Variants in PRSS22 observed in about 807,000 individuals in gnomAD.
PRSS22 encodes brain-specific serine protease 4.
In PRSS22, 26 loss-of-function variants were observed where a neutral mutation model predicts 28.0. The observed-to-expected ratio is 0.93, with a 90% confidence interval of 0.68 to 1.29. The LOEUF (loss-of-function observed/expected upper bound fraction) is 1.29. Among genes scored for constraint, PRSS22 ranks in the 50% most tolerant of loss-of-function variants. The pLI is 0.00. For missense variants in PRSS22, 444 were observed against 422.1 expected, an observed-to-expected ratio of 1.05 and a Z score of -0.46; for synonymous variants, 217 against 177.9, an observed-to-expected ratio of 1.22 and a Z score of -1.75.
chr16:2,854,992 T>C (rs778070138), intron 4 of PRSS22, among the ~76,000 whole-genome samples: 16 of 152,062 alleles, frequency 1.1e-4, no homozygotes, highest in African/African-American at 3.1e-4. Context: ...CATTCCTGTA[T>C]TGATGAATTG....
chr16:2,855,930 G>T (rs1313349935), intron 3 of PRSS22, 79 bp from the exon 4 acceptor site: 3 of 1,527,512 alleles, frequency 2.0e-6, no homozygotes, highest in African/African-American at 1.4e-5. Flanking sequence ...GGGTGTGAAG[G>T]CCCCTGAAGG....
In PRSS22 at chr16:2,852,836, G is replaced by GT. The variant is rs1401703116; in HGVS notation, c.*256_*257insA. The GT allele has an allele frequency of 1.1e-5, 4 of 362,316 alleles. No individual in the cohort carries two copies. Among genetic ancestry groups the GT allele is most frequent in the Admixed American group, 1.8e-4 (2 of 11,406 alleles). The allele number at this position is 362,316 out of a possible 1,614,324, so 22.4% of individuals were successfully genotyped here. On this transcript the variant is annotated 3_prime_UTR_variant, in exon 6 of 6. Coordinates refer to ENST00000161006, the MANE Select transcript of PRSS22 (RefSeq NM_022119.4). ...CATTTATATACACAAAAGCGCTGGG[G>GT]CCCGGGGCGGGGCCGGAAGTCGTGG...
Position 2,853,881 on chromosome 16 carries a change from TC to T in PRSS22, c.700del (p.Glu234SerfsTer180). 1 of 1,613,674 alleles carries T rather than the reference TC, an allele frequency of 6.2e-7. No homozygotes were observed. Reference protein sequence around the residue: ...DMLCAGYLEGERDACLGDSGG... With the variant: ...DMLCAGYLEGXRDACLGDSGG... ...GGAGCTCACCAGACAAGCATCCCGC[TC>T]CCCCTCCAAGTAGCCGGCACACAGC... is the stretch of plus-strand genomic sequence containing the variant. On this transcript the variant is annotated frameshift_variant, in exon 5 of 6. Coordinates refer to ENST00000161006, the MANE Select transcript of PRSS22 (RefSeq NM_022119.4). LOFTEE classifies it low-confidence loss of function (END_TRUNC). This position sits in a 1 kb window ranked among gnomAD's most constrained non-coding sequence, Gnocchi z 4.6.
chr16:2,856,244 G>A lies in PRSS22; in HGVS notation c.119C>T (p.Ala40Val). The change falls in exon 3 of 6, where the codon GCC (alanine) becomes GTC (valine). Residue 40 changes from alanine (A) to valine (V), a missense_variant. Ala to Val is a moderately conservative substitution (Grantham distance 64). Transcript: ENST00000161006. The stretch of plus-strand genomic sequence containing the variant: ...GTTCAGCTGCTGGGGCTTCCCACAG[G>A]CTGGGGGAACTGGAGGGTACGGTCA... ...LNAARIPVPP[A>V]CGKPQQLNRV... 1 of 1,613,394 alleles carries A rather than the reference G, an allele frequency of 6.2e-7. No individual in the cohort carries two copies. Among genetic ancestry groups the A allele is most frequent in the South Asian group, 1.1e-5 (1 of 91,052 alleles).
At chr16:2,854,453 C>G (rs1231292821) in intron 4 of PRSS22, 1 of 173,992 alleles carries the variant, frequency 5.7e-6, no homozygotes, top group Non-Finnish European at 1.2e-5. Context: ...GACTGAAAGT[C>G]CGCGATTCTA....
chr16:2,856,288 T>C, intron 2 of PRSS22, 35 bp from the exon 3 acceptor site: 1 of 1,608,504 alleles, frequency 6.2e-7, no homozygotes, highest in Non-Finnish European at 8.5e-7. Context: ...TATCTCCAAC[T>C]TCCTACAACC....
chr16:2,857,992 G>T (rs968030303), intron 1 of PRSS22, 31 bp downstream of exon 1: 3 of 1,261,478 alleles, frequency 2.4e-6, no homozygotes, highest in Non-Finnish European at 3.0e-6. Context: ...GGAGGTGAGA[G>T]GGAGGAGGGA....
Position 2,853,972 on chromosome 16 carries a change from C to G in PRSS22, c.610G>C (p.Asp204His). The change falls in exon 5 of 6, where the codon GAC becomes CAC. Residue 204 changes from aspartate to histidine, a missense_variant. Physicochemically the swap from Asp to His is moderately conservative, Grantham distance 81. Coordinates refer to ENST00000161006, the MANE Select transcript of PRSS22 (RefSeq NM_022119.4). The surrounding 1 kb of genome is among the most constrained non-coding windows in gnomAD (Gnocchi z 4.6). ...TLQKLKVPII[D>H]SEVCSHLYWR... Reference sequence around the variant, plus strand: ...TACAGATGGCTGCAGACTTCCGAGTCGATGATAGGAACCTTCAGCTTCTGC... The same window carrying G: ...TACAGATGGCTGCAGACTTCCGAGTGGATGATAGGAACCTTCAGCTTCTGC... The G allele has an allele frequency of 1.9e-6, 3 of 1,614,166 alleles. 1 individual carries two copies. The South Asian group carries it at 3.3e-5, about 18-fold the overall frequency.
In PRSS22 at chr16:2,856,265, G is replaced by C; in HGVS notation, c.110-12C>G. On this transcript the variant is annotated splice_polypyrimidine_tract_variant and intron_variant, in intron 2 of 5. Transcript: ENST00000161006. The stretch of plus-strand genomic sequence containing the variant: ...ACAGGCTGGGGGAACTGGAGGGTAC[G>C]GTCAAGTTTTGTTATCTCCAACTTC... 2 of 1,612,642 alleles carry C rather than the reference G, an allele frequency of 1.2e-6. No homozygotes were observed. Among genetic ancestry groups the C allele is most frequent in the Non-Finnish European group, 1.7e-6 (2 of 1,179,656 alleles).
Position 2,853,225 on chromosome 16 carries a change from G to T in PRSS22, c.822C>A (p.Val274=). The change falls in exon 6 of 6, where the codon GTC becomes GTA. Residue 274 remains valine, a synonymous_variant. Transcript: ENST00000161006. The surrounding 1 kb of genome is among the most constrained non-coding windows in gnomAD (Gnocchi z 4.6). ...EGCAERNRPG[V]YISLSAHRSW... ...AGCGGTGCGCAGAGAGGCTGATGTAGACCCCGGGCCTGTTGCGCTCGGCAC... is the reference window on the plus strand; with the variant it reads ...AGCGGTGCGCAGAGAGGCTGATGTATACCCCGGGCCTGTTGCGCTCGGCAC... 1.2e-6 allele frequency: 2 copies of T among 1,600,846 alleles called. No homozygotes were observed. Among genetic ancestry groups the T allele is most frequent in the South Asian group, 2.2e-5 (2 of 91,074 alleles).
chr16:2,857,951 A>AGAGG, intron 1 of PRSS22, 72 bp downstream of exon 1: 1 of 1,124,932 alleles, frequency 8.9e-7, no homozygotes, highest in Non-Finnish European at 1.1e-6. Flanking sequence ...CAGGAGGGAG[A>AGAGG]GAGGGAGGGA....
chr16:2,856,092 A>C lies in PRSS22; in HGVS notation c.271T>G (p.Cys91Gly), dbSNP rs780881542. ...GCCGGCTGTACATACTCCTTGAAAC[A>C]GTGGGCAGCAGTGATCACCCAGCGG... ...TSRWVITAAH[C>G]FKDNLNKPYL... Residue 91 changes from cysteine to glycine, a missense_variant, in exon 3 of 6, where the codon TGT becomes GGT. Physicochemically the swap from Cys to Gly is radical, Grantham distance 159. Coordinates refer to ENST00000161006, the MANE Select transcript of PRSS22 (RefSeq NM_022119.4). The C allele has an allele frequency of 6.2e-7, 1 of 1,613,866 alleles. No homozygotes were observed. Among genetic ancestry groups the C allele is most frequent in the Non-Finnish European group, 8.5e-7 (1 of 1,179,916 alleles).
At chr16:2,855,365 A>AAAGAAG (rs59780762) in intron 4 of PRSS22, among the ~76,000 whole-genome samples, 1 of 134,628 alleles carries the variant, frequency 7.4e-6, no homozygotes, top group South Asian at 2.4e-4. Context: ...AAAAAAAAAA[A>AAAGAAG]AAGAAGAAGA....
chr16:2,855,968 G>A (rs2150828598), intron 3 of PRSS22, 114 bp downstream of exon 3: 2 of 1,511,386 alleles, frequency 1.3e-6, no homozygotes, highest in Non-Finnish European at 1.8e-6. Flanking sequence ...TAGAATCGAG[G>A]GGCACCAAGA....
intron 1 of PRSS22, chr16:2,857,260 GTCCCCA>G (rs2069469128): frequency 6.6e-6 from 1 of 151,422 alleles, no homozygotes; most frequent in African/African-American, 3.9e-5. Context: ...GTGAGGAGGG[GTCCCCA>G]GCGCCCAGTG....
chr16:2,853,393 T>G lies in PRSS22; in HGVS notation c.718-64A>C. On this transcript the variant is annotated intron_variant, in intron 5 of 5. Coordinates refer to ENST00000161006, the MANE Select transcript of PRSS22 (RefSeq NM_022119.4). The surrounding 1 kb of genome is among the most constrained non-coding windows in gnomAD (Gnocchi z 4.6). ...AGGGGGTGGCAGAATCCAGGGCCCG[T>G]GCCCTGTCAGGGGGCAGATGAGCCC... The G allele has an allele frequency of 2.2e-6, 3 of 1,367,330 alleles. No individual in the cohort carries two copies. The highest frequency in any genetic ancestry group is 3.0e-6 in the Non-Finnish European group (3 of 994,700). 84.7% of individuals were successfully genotyped at this position (1,367,330 alleles called of 1,614,324 possible). A position where few individuals can be genotyped will look rare whatever the true frequency, so the allele number is the denominator to read the frequency against.
intron 2 of PRSS22, among the ~76,000 whole-genome samples, 162 bp from the exon 3 acceptor site, chr16:2,856,415 C>A (rs368660222): frequency 1.3e-5 from 2 of 152,088 alleles, no homozygotes; most frequent in African/African-American, 4.8e-5. Context: ...CCAAGCTCCA[C>A]CCACACCCCA....
At chr16:2,856,456 AC>A (rs1242346232) in intron 2 of PRSS22, among the ~76,000 whole-genome samples, 2 of 149,538 alleles carry the variant, frequency 1.3e-5, no homozygotes, top group African/African-American at 2.5e-5. Context: ...CTCCACCCAT[AC>A]CCCAAGCTCC....
In PRSS22 at chr16:2,856,089, A is replaced by C; in HGVS notation, c.274T>G (p.Phe92Val). ...SRWVITAAHC[F>V]KDNLNKPYLF... is the part of the protein sequence containing the mutation. The stretch of plus-strand genomic sequence containing the variant: ...CAGGCCGGCTGTACATACTCCTTGA[A>C]ACAGTGGGCAGCAGTGATCACCCAG... Residue 92 changes from phenylalanine (F) to valine (V), a missense_variant, in exon 3 of 6, where the codon TTC becomes GTC. Transcript: ENST00000161006. The C allele has an allele frequency of 6.2e-7, 1 of 1,613,836 alleles. No homozygotes were observed. The highest frequency in any genetic ancestry group is 1.1e-5 in the South Asian group (1 of 91,074).
Sources: gnomAD v4.1 joint callset for allele counts (sites outside exome capture counted in the v4.1 genomes callset) on GRCh38, gnomAD v4.1.1 for gene constraint, Gnocchi (gnomAD v3.1) non-coding constraint, MANE v1.5 for transcripts, NCBI Gene and HGNC (gene_info 2026-07-23, HGNC 2026-07-21) for gene names.